Variants in LARGE1 observed in about 807,000 individuals in gnomAD.
LARGE1 encodes LARGE xylosyl- and glucuronyltransferase 1, also known as xylosyl- and glucuronyltransferase LARGE1.
LARGE1 carries 43 observed loss-of-function variants against 87.6 expected under a neutral mutation model. That is an observed-to-expected ratio of 0.49 (90% CI 0.38 to 0.63). The LOEUF is 0.63. Ranked by LOEUF, LARGE1 falls within the 30% of genes least tolerant of loss-of-function variation. The pLI is 0.00. For missense variants in LARGE1, 802 were observed against 1,000.2 expected, an observed-to-expected ratio of 0.80 and a Z score of 2.67; for synonymous variants, 434 against 394.6, an observed-to-expected ratio of 1.10 and a Z score of -1.18.
At chr22:33,774,547 G>GCA (rs2085175159) in intron 1 of LARGE1, among the ~76,000 whole-genome samples, 1 of 151,872 alleles carries the variant, frequency 6.6e-6, no homozygotes, top group Non-Finnish European at 1.5e-5. Context: ...AGTAGAGATG[G>GCA]GGGTTTCACC....
intron 7 of LARGE1, among the ~76,000 whole-genome samples, chr22:33,391,139 G>A (rs2065505883): frequency 6.6e-6 from 1 of 152,086 alleles, no homozygotes; most frequent in Admixed American, 6.6e-5. Flanking sequence ...CCTACCACAG[G>A]TTATTCCTAT....
chr22:33,255,816 C>T (rs1927232506), intron 11 of LARGE1, among the ~76,000 whole-genome samples: 1 of 152,166 alleles, frequency 6.6e-6, no homozygotes, highest in Non-Finnish European at 1.5e-5. Flanking sequence ...TGTTTTAAAT[C>T]ATATTGTCAG....
intron 11 of LARGE1, among the ~76,000 whole-genome samples, chr22:33,231,299 A>G (rs1412828825): frequency 6.6e-6 from 1 of 152,208 alleles, no homozygotes; most frequent in African/African-American, 2.4e-5. Flanking sequence ...TTTAGACAGA[A>G]GCTTTGGAGT....
intron 7 of LARGE1, among the ~76,000 whole-genome samples, chr22:33,415,220 T>G (rs1377350335): frequency 1.3e-5 from 2 of 152,208 alleles, no homozygotes; most frequent in African/African-American, 4.8e-5. Context: ...AGGCGTTGTT[T>G]TGTTTTTGCT....
At chr22:33,317,912 T>C (rs115853272) in intron 10 of LARGE1, among the ~76,000 whole-genome samples, 7,421 of 152,102 alleles carry the variant, frequency 0.049, 331 homozygotes, top group African/African-American at 0.13. Context: ...ATGTGCACTT[T>C]CGTGAAAATT....
At position 33,650,541 on chromosome 22, in the gene LARGE1, G is replaced by A. The variant is rs1163573856; in HGVS notation, c.234C>T (p.Ala78=). The change falls in exon 3 of 15, where the codon GCC becomes GCT. Residue 78 remains alanine, a synonymous_variant. Coordinates refer to ENST00000397394, the MANE Select transcript of LARGE1 (RefSeq NM_133642.5). The part of the protein sequence containing the change: ...RMREVEEENR[A]LRRQLSLAQG... Reference sequence around the variant, plus strand: ...GGGCCAGGCTGAGCTGCCTGCGGAGGGCGCGGTTCTCCTCCTCCACCTCGC... The same window carrying A: ...GGGCCAGGCTGAGCTGCCTGCGGAGAGCGCGGTTCTCCTCCTCCACCTCGC... 2 of 1,610,510 alleles carry A rather than the reference G, an allele frequency of 1.2e-6. No individual in the cohort carries two copies. Among genetic ancestry groups the A allele is most frequent in the Non-Finnish European group, 1.7e-6 (2 of 1,179,940 alleles).
intron 12 of LARGE1, among the ~76,000 whole-genome samples, chr22:33,293,936 C>T (rs187222459): frequency 1.1e-3 from 172 of 152,362 alleles, no homozygotes; most frequent in Non-Finnish European, 8.8e-4. Flanking sequence ...TATCCATTCT[C>T]ACCTTGTTTG....
intron 1 of LARGE1, among the ~76,000 whole-genome samples, chr22:33,781,281 C>A (rs2085411592): frequency 6.6e-6 from 1 of 152,074 alleles, no homozygotes. Context: ...GGTAGATCAC[C>A]TGAGGTCAGG....
intron 6 of LARGE1, among the ~76,000 whole-genome samples, chr22:33,479,986 C>A (rs537444969): frequency 8.5e-5 from 13 of 152,268 alleles, no homozygotes; most frequent in Admixed American, 2.0e-4. Flanking sequence ...CTCAGGTGAT[C>A]TGACTGTCTC....
At chr22:33,495,354 C>A (rs537509840) in intron 6 of LARGE1, among the ~76,000 whole-genome samples, 25 of 152,306 alleles carry the variant, frequency 1.6e-4, no homozygotes, top group East Asian at 1.5e-3. Context: ...GCCTTGGTCG[C>A]CTTATGCAGT....
At chr22:33,147,521 T>A in the LARGE1 span, among the ~76,000 whole-genome samples, 1 of 152,220 alleles carries the variant, frequency 6.6e-6, no homozygotes, top group African/African-American at 2.4e-5. Flanking sequence ...TTAAACATTG[T>A]ATTTGAAATA....
intron 11 of LARGE1, among the ~76,000 whole-genome samples, chr22:33,239,535 C>CTTTTTTTTTTTTTTTTTT (rs71187254): frequency 1.2e-4 from 11 of 95,312 alleles, no homozygotes; most frequent in East Asian, 3.0e-4. Context: ...TTTTTCTTTT[C>CTTTTTTTTTTTTTTTTTT]TTTTTTTTTT....
intron 5 of LARGE1, among the ~76,000 whole-genome samples, chr22:33,601,730 G>A (rs927469583): frequency 6.6e-6 from 1 of 152,206 alleles, no homozygotes; most frequent in African/African-American, 2.4e-5. Context: ...GTCTTCGATA[G>A]TAGACATCGG....
chr22:33,250,511 C>T (rs756689962), intron 11 of LARGE1, among the ~76,000 whole-genome samples: 21 of 152,144 alleles, frequency 1.4e-4, no homozygotes, highest in South Asian at 4.1e-4. Context: ...ACTCTTCTTT[C>T]CTTTTCTTGT....
At chr22:33,141,404 G>A in the LARGE1 span, among the ~76,000 whole-genome samples, 2 of 152,054 alleles carry the variant, frequency 1.3e-5, no homozygotes, top group South Asian at 2.1e-4. Context: ...ATATGAAGAC[G>A]AAGTATATGA....
intron 6 of LARGE1, among the ~76,000 whole-genome samples, chr22:33,561,150 G>T (rs1455149693): frequency 6.6e-6 from 1 of 152,200 alleles, no homozygotes; most frequent in East Asian, 1.9e-4. Context: ...TCAGTGCCTA[G>T]AACCTAAGAC....
At chr22:33,089,431 C>CT in the LARGE1 span, among the ~76,000 whole-genome samples, 1 of 139,770 alleles carries the variant, frequency 7.2e-6, no homozygotes, top group Admixed American at 7.5e-5. Context: ...CTTCCTCTTC[C>CT]TCTTCTTCTT....
chr22:33,527,959 G>T (rs2071995890), intron 6 of LARGE1, among the ~76,000 whole-genome samples: 1 of 152,062 alleles, frequency 6.6e-6, no homozygotes. Flanking sequence ...ATCTTTCAGG[G>T]TCCCCCAGAT....
At chr22:33,113,338 G>A in the LARGE1 span, among the ~76,000 whole-genome samples, 1 of 151,784 alleles carries the variant, frequency 6.6e-6, no homozygotes, top group Admixed American at 6.6e-5. Flanking sequence ...CTCCTGAGTA[G>A]CTGGGATTAC....
Sources: gnomAD v4.1 joint callset for allele counts (sites outside exome capture counted in the v4.1 genomes callset) on GRCh38, gnomAD v4.1.1 for gene constraint, MANE v1.5 for transcripts, NCBI Gene and HGNC (gene_info 2026-07-23, HGNC 2026-07-21) for gene names.